The following UNC5C variants were observed in gnomAD, a reference collection of about 807,000 sequenced individuals.
UNC5C encodes netrin receptor UNC5C.
Under a neutral mutation model 99.8 loss-of-function variants are expected in UNC5C, and 47 were observed. That is an observed-to-expected ratio of 0.47 (90% CI 0.37 to 0.60). The LOEUF is 0.60. UNC5C is among the 20% of genes least tolerant of loss of function. The pLI is 0.00. For missense variants in UNC5C, 1,062 were observed against 1,165.9 expected (o/e 0.91, Z 1.30); for synonymous variants, 487 against 452.2 (o/e 1.08, Z -0.98).
intron 7 of UNC5C, among the ~76,000 whole-genome samples, chr4:95,239,579 C>T (rs180875587): frequency 1.4e-4 from 22 of 152,236 alleles, no homozygotes; most frequent in South Asian, 8.3e-4. Context: ...CCACTCACAC[C>T]GTTACCTCTC....
intron 1 of UNC5C, among the ~76,000 whole-genome samples, chr4:95,479,048 G>A (rs569166585): frequency 3.3e-5 from 5 of 152,004 alleles, no homozygotes; most frequent in South Asian, 4.1e-4. Context: ...GAAGATGTAC[G>A]ATCTCCAGAA....
chr4:95,281,072 G>A (rs1219869289), intron 3 of UNC5C, among the ~76,000 whole-genome samples: 7 of 152,116 alleles, frequency 4.6e-5, no homozygotes, highest in Non-Finnish European at 7.4e-5. Flanking sequence ...TCTTGACAAA[G>A]TATATCTTGT....
chr4:95,260,592 A>G (rs1740183614), intron 4 of UNC5C, among the ~76,000 whole-genome samples: 1 of 152,170 alleles, frequency 6.6e-6, no homozygotes, highest in Admixed American at 6.5e-5. Context: ...CTAATGGGAA[A>G]GGAGAAGTGA....
intron 1 of UNC5C, among the ~76,000 whole-genome samples, chr4:95,545,057 G>C (rs1164017132): frequency 1.3e-5 from 2 of 152,128 alleles, no homozygotes; most frequent in African/African-American, 2.4e-5. Flanking sequence ...AAGCTAACAG[G>C]GTTTACTTAG....
chr4:95,195,991 T>C (rs903027344), intron 12 of UNC5C, among the ~76,000 whole-genome samples: 12 of 152,164 alleles, frequency 7.9e-5, no homozygotes, highest in African/African-American at 2.9e-4. Context: ...TATCATACAC[T>C]GCCCATAATG....
At chr4:95,461,838 A>T (rs995424328) in intron 1 of UNC5C, among the ~76,000 whole-genome samples, 1 of 152,204 alleles carries the variant, frequency 6.6e-6, no homozygotes, top group African/African-American at 2.4e-5. Flanking sequence ...CTGCTGGTAA[A>T]GTCAGATTGC....
At chr4:95,355,098 C>T (rs1189579969) in intron 1 of UNC5C, among the ~76,000 whole-genome samples, 2 of 152,014 alleles carry the variant, frequency 1.3e-5, no homozygotes, top group African/African-American at 4.8e-5. Flanking sequence ...TAAAAATAGG[C>T]TTTGAGATTC....
At chr4:95,535,376 A>G (rs1222558561) in intron 1 of UNC5C, among the ~76,000 whole-genome samples, 1 of 152,198 alleles carries the variant, frequency 6.6e-6, no homozygotes, top group Non-Finnish European at 1.5e-5. Context: ...TGTCATTCTT[A>G]TATCTAATTA....
At chr4:95,300,744 A>C (rs1741836560) in intron 3 of UNC5C, among the ~76,000 whole-genome samples, 1 of 152,168 alleles carries the variant, frequency 6.6e-6, no homozygotes, top group East Asian at 1.9e-4. Flanking sequence ...TAAAAGGAAA[A>C]AAATTGAACT....
At chr4:95,523,899 AT>A (rs900428083) in intron 1 of UNC5C, among the ~76,000 whole-genome samples, 7 of 152,024 alleles carry the variant, frequency 4.6e-5, no homozygotes, top group Non-Finnish European at 1.0e-4. Context: ...TAATTTATTG[AT>A]TTTTTTTCCT....
chr4:95,328,712 T>G (rs1055535271), intron 2 of UNC5C, among the ~76,000 whole-genome samples: 11 of 150,800 alleles, frequency 7.3e-5, no homozygotes, highest in Non-Finnish European at 1.2e-4. Context: ...TTTCTCCACA[T>G]CCTCTCCAGC....
chr4:95,266,819 CA>C (rs1191963812), intron 4 of UNC5C, among the ~76,000 whole-genome samples: 1 of 152,166 alleles, frequency 6.6e-6, no homozygotes, highest in Admixed American at 6.5e-5. Flanking sequence ...TCAGCAAAGA[CA>C]GAGAAATATG....
At chr4:95,468,746 T>C (rs1747876053) in intron 1 of UNC5C, among the ~76,000 whole-genome samples, 1 of 152,172 alleles carries the variant, frequency 6.6e-6, no homozygotes, top group African/African-American at 2.4e-5. Flanking sequence ...TGACACCTGA[T>C]CTAGAGACTG....
intron 1 of UNC5C, among the ~76,000 whole-genome samples, chr4:95,542,347 A>T (rs898757902): frequency 2.6e-5 from 4 of 152,172 alleles, no homozygotes; most frequent in Non-Finnish European, 5.9e-5. Context: ...TTCAGATGTT[A>T]TACTTCACTT....
At chr4:95,476,731 T>C (rs918668740) in intron 1 of UNC5C, among the ~76,000 whole-genome samples, 13 of 149,754 alleles carry the variant, frequency 8.7e-5, no homozygotes, top group African/African-American at 3.3e-4. Flanking sequence ...AAATAATACA[T>C]ATTATTGCAG....
intron 1 of UNC5C, among the ~76,000 whole-genome samples, chr4:95,400,089 GACA>G (rs1745642734): frequency 6.6e-6 from 1 of 152,130 alleles, no homozygotes; most frequent in Non-Finnish European, 1.5e-5. Context: ...GACTGTAGTG[GACA>G]ACATTGTCAC....
chr4:95,182,861 C>T, intron 14 of UNC5C, 36 bp downstream of exon 14: 3 of 1,589,870 alleles, frequency 1.9e-6, no homozygotes, highest in Middle Eastern at 3.5e-4. Context: ...GAGTGTCGCA[C>T]TCTCCCCTGA....
At chr4:95,417,957 T>A (rs1560825517) in intron 1 of UNC5C, among the ~76,000 whole-genome samples, 1 of 152,222 alleles carries the variant, frequency 6.6e-6, no homozygotes, top group Non-Finnish European at 1.5e-5. Context: ...GTTAGACTCT[T>A]GCTGTATTTT....
At chr4:95,216,373 C>T (rs1056575049) in intron 9 of UNC5C, among the ~76,000 whole-genome samples, 162 bp from the exon 10 acceptor site, 1 of 152,098 alleles carries the variant, frequency 6.6e-6, no homozygotes, top group Non-Finnish European at 1.5e-5. Flanking sequence ...GCCTCCTTAC[C>T]ACGGCTCCCT....
Sources: gnomAD v4.1 joint callset for allele counts (sites outside exome capture counted in the v4.1 genomes callset) on GRCh38, gnomAD v4.1.1 for gene constraint, MANE v1.5 for transcripts, NCBI Gene and HGNC (gene_info 2026-07-23, HGNC 2026-07-21) for gene names.